Variants in HSPA12B observed in about 807,000 individuals in gnomAD.
HSPA12B encodes heat shock 70 kDa protein 12B.
A neutral mutation model predicts 69.3 loss-of-function variants in HSPA12B; 54 were observed. The observed-to-expected ratio is 0.78, with a 90% confidence interval of 0.63 to 0.98. The LOEUF (loss-of-function observed/expected upper bound fraction) is 0.98. Among genes scored for constraint, HSPA12B ranks in the 50% least tolerant of loss-of-function variants. The pLI, the probability that HSPA12B is intolerant of heterozygous loss-of-function variation, is 0.00. For synonymous variants in HSPA12B, 441 were observed against 436.5 expected, an observed-to-expected ratio of 1.01 and a Z score of -0.13; for missense variants, 929 against 999.8, an observed-to-expected ratio of 0.93 and a Z score of 0.96.
rs1026094640 is a variant in HSPA12B, at chr20:3,741,706, C to T, written c.142-578C>T. Among the ~76,000 whole-genome samples, 4 of 152,170 alleles carry T rather than the reference C, an allele frequency of 2.6e-5. No individual in the cohort carries two copies. The East Asian group carries it at 5.8e-4, about 22-fold the overall frequency. ...CACCCCCAAGCTCCCTGGGTCACCC[C>T]ACCTGGATGACCTTGCCCTGGTGAT... is the stretch of plus-strand genomic sequence containing the variant. On this transcript the variant is annotated intron_variant, in intron 3 of 12. Coordinates refer to ENST00000254963, the MANE Select transcript of HSPA12B (RefSeq NM_052970.5).
intron 3 of HSPA12B, 125 bp downstream of exon 3, chr20:3,741,037 TG>T (rs1221578397): frequency 2.8e-6 from 2 of 711,908 alleles, no homozygotes; most frequent in African/African-American, 1.8e-5. Context: ...CCATGCCTCT[TG>T]TCCCCGTACA....
At position 3,752,337 on chromosome 20, in the gene HSPA12B, CAGAG is replaced by C; in HGVS notation, c.*173_*176del. The C allele has an allele frequency of 3.3e-6, 2 of 606,714 alleles. No individual in the cohort carries two copies. Among genetic ancestry groups the C allele is most frequent in the Non-Finnish European group, 5.2e-6 (2 of 387,368 alleles). 37.6% of individuals were successfully genotyped at this position (606,714 alleles called of 1,614,324 possible). A position where few individuals can be genotyped will look rare whatever the true frequency, so the allele number is the denominator to read the frequency against. On this transcript the variant is annotated 3_prime_UTR_variant, in exon 13 of 13. Transcript: ENST00000254963. Reference sequence around the variant, plus strand: ...ATGGGAGAGTGGGTGGGGACACACCCAGAGACTGGCTTTGGGATTGGGCACTGGT... The same window carrying C: ...ATGGGAGAGTGGGTGGGGACACACCCACTGGCTTTGGGATTGGGCACTGGT...
chr20:3,751,094 G>T, intron 12 of HSPA12B, 187 bp downstream of exon 12: 1 of 488,824 alleles, frequency 2.0e-6, no homozygotes, highest in Non-Finnish European at 2.7e-6. Context: ...ATGTAGTCTT[G>T]CCAAGGCAAA....
At chr20:3,741,811 C>T (rs936901108) in intron 3 of HSPA12B, among the ~76,000 whole-genome samples, 54 of 152,214 alleles carry the variant, frequency 3.5e-4, no homozygotes, top group Non-Finnish European at 7.8e-4. Context: ...GGGACATGCA[C>T]GTGCCCTCTC....
At chr20:3,736,306 T>G (rs1197203032) in intron 1 of HSPA12B, among the ~76,000 whole-genome samples, 1 of 152,226 alleles carries the variant, frequency 6.6e-6, no homozygotes, top group Non-Finnish European at 1.5e-5. Flanking sequence ...GCACCCATCC[T>G]TCTTCTGATT....
Position 3,749,635 on chromosome 20 carries a change from C to G in HSPA12B, c.938-115C>G. The G allele has an allele frequency of 1.3e-6, 1 of 766,406 alleles. No homozygotes were observed. The highest frequency in any genetic ancestry group is 2.1e-6 in the Non-Finnish European group (1 of 483,816). The allele number at this position is 766,406 out of a possible 1,614,324, so 47.5% of individuals were successfully genotyped here. A position where few individuals can be genotyped will look rare whatever the true frequency, so the allele number is the denominator to read the frequency against. ...AGCCCCTCACGTCCCTCCCCCGACC[C>G]TGCAGACAGGCCTTGGGACCCGGGG... On this transcript the variant is annotated intron_variant, in intron 9 of 12. Transcript: ENST00000254963. This position sits in a 1 kb window ranked among gnomAD's most constrained non-coding sequence, Gnocchi z 5.5.
In HSPA12B at chr20:3,745,541, C is replaced by T. The variant is rs2088284283; in HGVS notation, c.502C>T (p.Pro168Ser). 1.9e-6 allele frequency: 3 copies of T among 1,614,042 alleles called. No individual in the cohort carries two copies. In the African/African-American group the frequency reaches 4.0e-5, roughly 22 times the overall value. ...AGAGGCAGTAAATGGAAAGACGATGCCCGCCCTGGAGGTGTTCGCCCATGC... is the reference window on the plus strand; with the variant it reads ...AGAGGCAGTAAATGGAAAGACGATGTCCGCCCTGGAGGTGTTCGCCCATGC... Reference protein sequence around the residue: ...QLEAVNGKTMPALEVFAHALR... With the variant: ...QLEAVNGKTMSALEVFAHALR... The change falls in exon 6 of 13, where the codon CCC (proline) becomes TCC (serine). Residue 168 changes from proline (P) to serine (S), a missense_variant. By Grantham distance (74) the Pro-to-Ser change is moderately conservative. Transcript: ENST00000254963. This position sits in a 1 kb window ranked among gnomAD's most constrained non-coding sequence, Gnocchi z 5.6.
chr20:3,746,103 C>G, intron 7 of HSPA12B, 72 bp downstream of exon 7: 1 of 1,086,186 alleles, frequency 9.2e-7, no homozygotes, highest in Non-Finnish European at 1.4e-6. Flanking sequence ...TTGCATGCAC[C>G]CCACCACCCT....
Position 3,750,818 on chromosome 20 carries a change from A to C in HSPA12B, c.1316A>C (p.Lys439Thr), listed in dbSNP as rs147043157. The C allele has an allele frequency of 9.4e-5, 151 of 1,613,914 alleles. No individual in the cohort carries two copies. The African/African-American group carries it at 1.9e-3, about 20-fold the overall frequency. The change falls in exon 12 of 13, where the codon AAG becomes ACG. Residue 439 changes from lysine (K) to threonine (T), a missense_variant. Lys to Thr is a moderately conservative substitution (Grantham distance 78). This residue lies in a region of HSPA12B where 448 missense variants were observed against 448.1 expected (regional missense o/e 1.00). Coordinates refer to ENST00000254963, the MANE Select transcript of HSPA12B (RefSeq NM_052970.5). Reference sequence around the variant, plus strand: ...ACCACCAACAGCGTGAACTTCGTGAAGTGGTCCTCACAGGGGATGCTCCGA... The same window carrying C: ...ACCACCAACAGCGTGAACTTCGTGACGTGGTCCTCACAGGGGATGCTCCGA... ...ALRRSSVNFVKWSSQGMLRMS... is the reference protein window; with the variant it reads ...ALRRSSVNFVTWSSQGMLRMS...
At chr20:3,738,922 C>T (rs1424304053) in intron 2 of HSPA12B, among the ~76,000 whole-genome samples, 1 of 152,184 alleles carries the variant, frequency 6.6e-6, no homozygotes, top group African/African-American at 2.4e-5. Context: ...GGTCTGTGTG[C>T]ACCGGTCTGT....
At position 3,750,152 on chromosome 20, in the gene HSPA12B, C is replaced by G; in HGVS notation, c.1226C>G (p.Ser409Trp). The G allele has an allele frequency of 6.2e-7, 1 of 1,611,616 alleles. No individual in the cohort carries two copies. Among genetic ancestry groups the G allele is most frequent in the South Asian group, 1.1e-5 (1 of 90,882 alleles). Residue 409 changes from serine (S) to tryptophan (W), a missense_variant, in exon 11 of 13, where the codon TCG becomes TGG. Physicochemically the swap from Ser to Trp is radical, Grantham distance 177. Around this residue, in one of 3 missense-constraint regions of HSPA12B, gnomAD observed 448 missense variants for 448.1 expected, o/e 1.00. Transcript: ENST00000254963. Reference protein sequence around the residue: ...GPHRAGALNISLPFSFIDFYR... With the variant: ...GPHRAGALNIWLPFSFIDFYR... Reference sequence around the variant, plus strand: ...CACCGTGCAGGGGCGCTCAACATCTCGCTGCCCTTCTCCTTCATTGACTTC... The same window carrying G: ...CACCGTGCAGGGGCGCTCAACATCTGGCTGCCCTTCTCCTTCATTGACTTC...
In HSPA12B at chr20:3,750,068, CG is replaced by C; in HGVS notation, c.1144del (p.Ala382GlnfsTer4). 6.2e-7 allele frequency: 1 copy of C among 1,611,530 alleles called. No individual in the cohort carries two copies. The highest frequency in any genetic ancestry group is 2.2e-5 in the East Asian group (1 of 44,820). On this transcript the variant is annotated frameshift_variant, in exon 11 of 13. Coordinates refer to ENST00000254963, the MANE Select transcript of HSPA12B (RefSeq NM_052970.5). LOFTEE classifies it high-confidence loss of function. ...DFIATFKRQR[P>X]AAWVDLTIAF... ...ATCGCCACCTTCAAAAGGCAACGGC[CG>C]GCAGCCTGGGTAGATCTGACCATCG...
intron 1 of HSPA12B, among the ~76,000 whole-genome samples, chr20:3,733,902 G>A (rs1262643568): frequency 6.6e-6 from 1 of 152,212 alleles, no homozygotes; most frequent in African/African-American, 2.4e-5. Flanking sequence ...CAGGCATCGT[G>A]TGGAGCCCTG....
intron 11 of HSPA12B, 121 bp downstream of exon 11, chr20:3,750,348 A>C: frequency 7.6e-6 from 8 of 1,058,860 alleles, no homozygotes; most frequent in Non-Finnish European, 1.1e-5. Context: ...ATATACACTA[A>C]GCCAGCAGGG....
chr20:3,748,530 G>A, intron 8 of HSPA12B, 139 bp downstream of exon 8: 2 of 842,798 alleles, frequency 2.4e-6, no homozygotes, highest in East Asian at 3.2e-5. Flanking sequence ...AAACATGGCT[G>A]GTGGAGCCTG....
Position 3,745,917 on chromosome 20 carries a change from G to A in HSPA12B, c.561G>A (p.Glu187=). 3 of 1,613,850 alleles carry A rather than the reference G, an allele frequency of 1.9e-6. No homozygotes were observed. The highest frequency in any genetic ancestry group is 1.7e-6 in the Non-Finnish European group (2 of 1,179,760). The change falls in exon 7 of 13, where the codon GAG becomes GAA. Residue 187 remains glutamate, a splice_region_variant and synonymous_variant. Transcript: ENST00000254963. The surrounding 1 kb of genome is among the most constrained non-coding windows in gnomAD (Gnocchi z 5.6). ...CTCACTGCCCCCTCCTGTACCAGGA[G>A]CTGAGGGAGCAGAGCCCATCGCTGC... ...LRFFREHALQ[E]LREQSPSLPE... is the part of the protein sequence containing the mutation.
chr20:3,751,001 T>C (rs2088410329), intron 12 of HSPA12B, 94 bp downstream of exon 12: 1 of 1,053,102 alleles, frequency 9.5e-7, no homozygotes, highest in Non-Finnish European at 1.5e-6. Context: ...CCTCCACACA[T>C]CCATACACTG....
At chr20:3,735,110 A>G (rs2088088569) in intron 1 of HSPA12B, among the ~76,000 whole-genome samples, 2 of 152,226 alleles carry the variant, frequency 1.3e-5, no homozygotes, top group Admixed American at 1.3e-4. Flanking sequence ...GATTCTCAGT[A>G]AGACCAAAAT....
In HSPA12B at chr20:3,745,004, C is replaced by T. The variant is rs766202564; in HGVS notation, c.369C>T (p.Arg123=). 1 of 1,614,066 alleles carries T rather than the reference C, an allele frequency of 6.2e-7. No individual in the cohort carries two copies. The highest frequency in any genetic ancestry group is 8.5e-7 in the Non-Finnish European group (1 of 1,180,042). ...GAFHSFGYTA[R]DYYHDLDPEE... ...TCCACAGCTTTGGCTACACCGCCCG[C>T]GATTACTACCATGACCTGGACCCCG... The change falls in exon 5 of 13, where the codon CGC becomes CGT. Residue 123 remains arginine, a synonymous_variant. Coordinates refer to ENST00000254963, the MANE Select transcript of HSPA12B (RefSeq NM_052970.5). The surrounding 1 kb of genome is among the most constrained non-coding windows in gnomAD (Gnocchi z 5.6).
Sources: allele counts gnomAD v4.1 joint callset (sites outside exome capture counted in the v4.1 genomes callset), GRCh38; gene constraint gnomAD v4.1.1; regional missense constraint gnomAD v4.1.1; non-coding constraint Gnocchi (gnomAD v3.1); transcripts MANE v1.5; gene names NCBI Gene and HGNC (gene_info 2026-07-23, HGNC 2026-07-21).